Variants in FAM83G observed in about 807,000 individuals in gnomAD.
FAM83G encodes protein FAM83G.
FAM83G carries 38 observed loss-of-function variants against 61.5 expected under a neutral mutation model. The observed-to-expected ratio is 0.62, with a 90% CI of 0.48 to 0.81. The LOEUF (loss-of-function observed/expected upper bound fraction) is 0.81. Ranked by LOEUF, FAM83G falls within the 30% of genes least tolerant of loss-of-function variation. The probability of loss-of-function intolerance (pLI) is 0.00; values close to 1 mark genes in which losing one functional copy is unlikely to be tolerated. For synonymous variants in FAM83G, 470 were observed against 476.1 expected, an observed-to-expected ratio of 0.99 and a Z score of 0.17; for missense variants, 989 against 1,133.6, an observed-to-expected ratio of 0.87 and a Z score of 1.83.
intron 2 of FAM83G, among the ~76,000 whole-genome samples, chr17:18,990,944 GC>G (rs1277049748): frequency 6.6e-6 from 1 of 152,186 alleles, no homozygotes; most frequent in East Asian, 1.9e-4. Flanking sequence ...AGAACCCAGG[GC>G]CCTGTCCCAC....
chr17:18,992,162 G>A (rs1397893132), intron 2 of FAM83G, among the ~76,000 whole-genome samples: 1 of 152,134 alleles, frequency 6.6e-6, no homozygotes, highest in Non-Finnish European at 1.5e-5. Context: ...CGCCCGATGA[G>A]CACCTCCTCC....
At chr17:19,005,907 C>T (rs1370206676), upstream of FAM83G, among the ~76,000 whole-genome samples, 1 of 152,198 alleles carries the variant, frequency 6.6e-6, no homozygotes, top group African/African-American at 2.4e-5. Flanking sequence ...GGAGGTGATC[C>T]CAGCGGGGGA....
chr17:18,997,786 G>T (rs573389207), intron 2 of FAM83G, among the ~76,000 whole-genome samples: 1 of 152,358 alleles, frequency 6.6e-6, no homozygotes, highest in Admixed American at 6.5e-5. Flanking sequence ...AAGCTCTCAG[G>T]ACAGGAGTGA....
At chr17:18,979,786 G>T in intron 3 of FAM83G, 113 bp from the exon 4 acceptor site, 1 of 1,209,166 alleles carries the variant, frequency 8.3e-7, no homozygotes, top group Non-Finnish European at 1.2e-6. Flanking sequence ...AGTCAGGAGG[G>T]GAAGAAAGAG....
At position 19,003,575 on chromosome 17, in the gene FAM83G, T is replaced by A. The variant is rs1394963124; in HGVS notation, c.467A>T (p.Asp156Val). 3 of 1,592,316 alleles carry A rather than the reference T, an allele frequency of 1.9e-6. No homozygotes were observed. The highest frequency in any genetic ancestry group is 2.6e-6 in the Non-Finnish European group (3 of 1,169,410). ...RASVYMQPPI[D>V]GQAHIKEVVR... ...CACCTCTTTGATGTGGGCCTGCCCG[T>A]CTATGGGGGGCTGCATGTAGACGCT... is the stretch of plus-strand genomic sequence containing the variant. Residue 156 changes from aspartate to valine, a missense_variant, in exon 2 of 6, where the codon GAC becomes GTC. Physicochemically the swap from Asp to Val is radical, Grantham distance 152. Around this residue, in one of 3 missense-constraint regions of FAM83G, gnomAD observed 371 missense variants for 404.5 expected, o/e 0.92. Transcript: ENST00000388995. The surrounding 1 kb of genome is among the most constrained non-coding windows in gnomAD (Gnocchi z 4.5).
chr17:18,993,455 G>A (rs1284927409), intron 2 of FAM83G, among the ~76,000 whole-genome samples: 1 of 152,140 alleles, frequency 6.6e-6, no homozygotes, highest in Non-Finnish European at 1.5e-5. Flanking sequence ...TTTCCAACCT[G>A]CACGTGACAA....
chr17:18,977,474 T>G (rs1439441080), intron 5 of FAM83G, 110 bp downstream of exon 5: 1 of 1,107,208 alleles, frequency 9.0e-7, no homozygotes, highest in Non-Finnish European at 1.3e-6. Context: ...ACAAGGGAAT[T>G]GAAGTCATCA....
At position 18,971,731 on chromosome 17, in the gene FAM83G, A is replaced by G; in HGVS notation, c.2100T>C (p.His700=). 2.5e-6 allele frequency: 4 copies of G among 1,573,434 alleles called. No individual in the cohort carries two copies. The highest frequency in any genetic ancestry group is 3.5e-6 in the Non-Finnish European group (4 of 1,157,904). ...DKEAQGQQFH[H]HRVPASGTRD... ...TAGTCCCTGAGGCAGGGACCCTGTGATGATGAAACTGCTGGCCCTGGGAGA... is the reference window on the plus strand; with the variant it reads ...TAGTCCCTGAGGCAGGGACCCTGTGGTGATGAAACTGCTGGCCCTGGGAGA... Residue 700 remains histidine (H), a synonymous_variant, in exon 6 of 6, where the codon CAT becomes CAC. Transcript: ENST00000388995. The surrounding 1 kb of genome is among the most constrained non-coding windows in gnomAD (Gnocchi z 5.5).
rs550171790 is a variant in FAM83G, at chr17:18,978,211, G to A, written c.1455C>T (p.Asp485=). Residue 485 remains aspartate (D), a synonymous_variant, in exon 5 of 6, where the codon GAC becomes GAT. Coordinates refer to ENST00000388995, the MANE Select transcript of FAM83G (RefSeq NM_001039999.3). ...GGAGGCCGTTCTCAGCTGGGACACC[G>A]TCCTGGGGGGCACTGGGCTCTGGGG... The part of the protein sequence containing the change: ...CPPPEPSAPQ[D]GVPAENGLPQ... The A allele has an allele frequency of 1.6e-5, 25 of 1,573,136 alleles. No homozygotes were observed. The highest frequency in any genetic ancestry group is 1.1e-4 in the African/African-American group (8 of 74,448).
In FAM83G at chr17:18,996,191, C is replaced by T. The variant is rs188808179; in HGVS notation, c.522+7329G>A. 1.3e-4 allele frequency among the ~76,000 whole-genome samples: 19 copies of T among 150,048 alleles called. No individual in the cohort carries two copies. The highest frequency in any genetic ancestry group is 4.6e-4 in the African/African-American group (19 of 40,976). The stretch of plus-strand genomic sequence containing the variant: ...TACCCAGTAAAAATACATTTCAAAA[C>T]AAAAGGCAAACTAAAGACTTTTTCA... On this transcript the variant is annotated intron_variant, in intron 2 of 5. Coordinates refer to ENST00000388995, the MANE Select transcript of FAM83G (RefSeq NM_001039999.3). This position sits in a 1 kb window ranked among gnomAD's most constrained non-coding sequence, Gnocchi z 4.4.
chr17:18,986,629 C>A (rs1450552318), intron 3 of FAM83G, among the ~76,000 whole-genome samples: 1 of 152,248 alleles, frequency 6.6e-6, no homozygotes, highest in Non-Finnish European at 1.5e-5. Context: ...GCGGAGCAGC[C>A]AGGGCTTCTC....
At chr17:19,004,971 C>A (rs1459447184), upstream of FAM83G, among the ~76,000 whole-genome samples, 1 of 152,200 alleles carries the variant, frequency 6.6e-6, no homozygotes, top group Non-Finnish European at 1.5e-5. The surrounding 1 kb of genome is among the most constrained non-coding windows in gnomAD (Gnocchi z 5.4). Context: ...CTGGAACACC[C>A]ATCCCAGAGA....
chr17:19,001,800 C>G (rs1299302443), intron 2 of FAM83G, among the ~76,000 whole-genome samples: 2 of 152,172 alleles, frequency 1.3e-5, no homozygotes, highest in Non-Finnish European at 2.9e-5. Flanking sequence ...CATCGCTGGG[C>G]GGGGGATCTG....
intron 3 of FAM83G, among the ~76,000 whole-genome samples, chr17:18,980,108 G>A (rs555070340): frequency 6.6e-6 from 1 of 152,134 alleles, no homozygotes; most frequent in African/African-American, 2.4e-5. Context: ...AGCCAGAGGA[G>A]GGCAGGAAGG....
In FAM83G at chr17:18,996,981, C is replaced by T. The variant is rs948039022; in HGVS notation, c.522+6539G>A. ...CCCACTCTAAGCCTCAGCTTCTCTTCTTGGTAACATGGGGAGTGAAACTGG... is the reference window on the plus strand; with the variant it reads ...CCCACTCTAAGCCTCAGCTTCTCTTTTTGGTAACATGGGGAGTGAAACTGG... On this transcript the variant is annotated intron_variant, in intron 2 of 5. Coordinates refer to ENST00000388995, the MANE Select transcript of FAM83G (RefSeq NM_001039999.3). The surrounding 1 kb of genome is among the most constrained non-coding windows in gnomAD (Gnocchi z 4.4). Among the ~76,000 whole-genome samples, 5 of 152,242 alleles carry T rather than the reference C, an allele frequency of 3.3e-5. No individual in the cohort carries two copies. Among genetic ancestry groups the T allele is most frequent in the African/African-American group, 1.2e-4 (5 of 41,466 alleles).
intron 2 of FAM83G, among the ~76,000 whole-genome samples, chr17:18,998,395 C>A (rs868682801): frequency 6.6e-6 from 1 of 152,378 alleles, no homozygotes; most frequent in Middle Eastern, 3.4e-3. Flanking sequence ...GGCCAGGACC[C>A]TCAGCTGCAG....
rs749719416 is a variant in FAM83G, at chr17:18,978,459, C to T, written c.1207G>A (p.Glu403Lys). ...PPIHPGLLHL[E>K]RANMFEYLPT... ...AGGTACTCAAACATGTTGGCCCTCT[C>T]CAGGTGAAGCAGTCCTGGGTGGATG... is the stretch of plus-strand genomic sequence containing the variant. The change falls in exon 5 of 6, where the codon GAG becomes AAG. Residue 403 changes from glutamate to lysine, a missense_variant. Glu to Lys is a moderately conservative substitution (Grantham distance 56, BLOSUM62 1). Around this residue, in one of 3 missense-constraint regions of FAM83G, gnomAD observed 574 missense variants for 645.1 expected, o/e 0.89. Transcript: ENST00000388995. The T allele has an allele frequency of 2.5e-6, 4 of 1,608,348 alleles. No individual in the cohort carries two copies. Among genetic ancestry groups the T allele is most frequent in the Non-Finnish European group, 3.4e-6 (4 of 1,177,592 alleles).
In FAM83G at chr17:18,997,912, T is replaced by C. The variant is rs12453486; in HGVS notation, c.522+5608A>G. 0.011 allele frequency among the ~76,000 whole-genome samples: 1,663 copies of C among 152,310 alleles called. 120 individuals are homozygous for C. The East Asian group carries it at 0.19, about 18-fold the overall frequency. ...TTTCCCATTTAAATCTCACTGACTT[T>C]ATGAGGCAGGTGTTAGCTGTTAGCA... is the stretch of plus-strand genomic sequence containing the variant. On this transcript the variant is annotated intron_variant, in intron 2 of 5. Transcript: ENST00000388995.
At chr17:18,988,481 G>C in intron 2 of FAM83G, 67 bp from the exon 3 acceptor site, 2 of 1,587,240 alleles carry the variant, frequency 1.3e-6, no homozygotes, top group Non-Finnish European at 1.7e-6. Context: ...TGCCCTGGCA[G>C]AGCGCACAGC....
Sources: gnomAD v4.1 joint callset for allele counts (sites outside exome capture counted in the v4.1 genomes callset) on GRCh38, gnomAD v4.1.1 for gene constraint, gnomAD v4.1.1 regional missense constraint, Gnocchi (gnomAD v3.1) non-coding constraint, MANE v1.5 for transcripts, NCBI Gene and HGNC (gene_info 2026-07-23, HGNC 2026-07-21) for gene names.